The following RPTOR variants were observed in gnomAD, a reference collection of about 807,000 sequenced individuals.
RPTOR encodes regulatory associated protein of MTOR complex 1, also known as regulatory-associated protein of mTOR.
In RPTOR, 21 loss-of-function variants were observed where a neutral mutation model predicts 169.9. The ratio of observed to expected loss-of-function variants is 0.12; its 90% CI spans 0.09 to 0.18. RPTOR has a LOEUF of 0.18. Ranked by LOEUF, RPTOR falls within the 10% of genes least tolerant of loss-of-function variation. The probability of loss-of-function intolerance (pLI) is 1.00; values close to 1 mark genes in which losing one functional copy is unlikely to be tolerated. For synonymous variants in RPTOR, 732 were observed against 753.2 expected, an observed-to-expected ratio of 0.97 and a Z score of 0.46; for missense variants, 1,133 against 1,855.9, an observed-to-expected ratio of 0.61 and a Z score of 7.16.
chr17:80,592,914 G>T (rs924423397), intron 1 of RPTOR, among the ~76,000 whole-genome samples: 1 of 152,156 alleles, frequency 6.6e-6, no homozygotes, highest in Admixed American at 6.5e-5. Flanking sequence ...CAGTGCTGTC[G>T]GAGTCTTAGT....
chr17:80,831,046 G>C (rs1055316332), intron 9 of RPTOR, among the ~76,000 whole-genome samples: 2 of 152,114 alleles, frequency 1.3e-5, no homozygotes, highest in Admixed American at 1.3e-4. Flanking sequence ...GCGCCCAATA[G>C]GGAACATCAT....
intron 33 of RPTOR, among the ~76,000 whole-genome samples, chr17:80,963,460 ACCCCGTCCCCTGTGCGGCCCTCACCCCG>A: frequency 3.8e-5 from 1 of 26,158 alleles, no homozygotes; most frequent in African/African-American, 1.7e-4. Flanking sequence ...TGCGGCCCTC[ACCCCGTCCCCTGTGCGGCCCTCACCCCG>A]TCCCCTGTGC....
intron 3 of RPTOR, among the ~76,000 whole-genome samples, chr17:80,658,781 TTTAG>T (rs1336703468): frequency 6.6e-6 from 1 of 152,258 alleles, no homozygotes; most frequent in Non-Finnish European, 1.5e-5. Context: ...CAGTCTGCTG[TTTAG>T]CCAACCTACC....
intron 1 of RPTOR, among the ~76,000 whole-genome samples, chr17:80,554,960 T>C (rs764360995): frequency 6.6e-6 from 1 of 152,214 alleles, no homozygotes; most frequent in Non-Finnish European, 1.5e-5. Flanking sequence ...TTAAGTGAAT[T>C]CATAAATATA....
chr17:80,705,869 C>A (rs2066138470), intron 3 of RPTOR, among the ~76,000 whole-genome samples: 1 of 152,052 alleles, frequency 6.6e-6, no homozygotes, highest in Non-Finnish European at 1.5e-5. Flanking sequence ...GGTGTGCCCT[C>A]CTCAGGGTGT....
intron 1 of RPTOR, among the ~76,000 whole-genome samples, chr17:80,566,695 G>T (rs886808768): frequency 2.0e-5 from 3 of 151,600 alleles, no homozygotes; most frequent in Non-Finnish European, 4.4e-5. Flanking sequence ...GAGGTGGCAG[G>T]CACCTGTAGT....
Position 80,730,754 on chromosome 17 carries a change from TCCC to T in RPTOR, c.654+49_654+51del. 9.0e-5 allele frequency: 65 copies of T among 721,432 alleles called. No individual in the cohort carries two copies. Among genetic ancestry groups the T allele is most frequent in the Middle Eastern group, 1.0e-3 (2 of 1,936 alleles). The allele number at this position is 721,432 out of a possible 1,614,324, so 44.7% of individuals were successfully genotyped here. The stretch of plus-strand genomic sequence containing the variant: ...AGCGGTGCTGGGTTTGGTTTTGTTT[TCCC>T]TGGGGGTGGGGTTTGGGTGGGGAGG... On this transcript the variant is annotated intron_variant, in intron 5 of 33. Coordinates refer to ENST00000306801, the MANE Select transcript of RPTOR (RefSeq NM_020761.3). This position sits in a 1 kb window ranked among gnomAD's most constrained non-coding sequence, Gnocchi z 4.2.
chr17:80,706,028 A>G (rs1423404996), intron 3 of RPTOR, among the ~76,000 whole-genome samples: 2 of 152,184 alleles, frequency 1.3e-5, no homozygotes, highest in African/African-American at 4.8e-5. Flanking sequence ...TCTTCAAGTG[A>G]TGATCATGGC....
intron 7 of RPTOR, among the ~76,000 whole-genome samples, chr17:80,815,173 G>A (rs541242022): frequency 2.3e-4 from 35 of 152,248 alleles, no homozygotes; most frequent in Non-Finnish European, 5.1e-4. Flanking sequence ...GCAGTTAGGG[G>A]TGCACAAGGT....
intron 24 of RPTOR, among the ~76,000 whole-genome samples, chr17:80,931,522 C>A (rs925286539): frequency 2.0e-5 from 3 of 152,226 alleles, no homozygotes; most frequent in Non-Finnish European, 2.9e-5. Context: ...CGAGAAGAGC[C>A]CCTCAGAGGT....
intron 28 of RPTOR, among the ~76,000 whole-genome samples, chr17:80,953,048 A>G (rs1373372713): frequency 6.6e-6 from 1 of 151,722 alleles, no homozygotes; most frequent in Non-Finnish European, 1.5e-5. Flanking sequence ...TATTTTTAGT[A>G]GAGATGGGGT....
rs2065199037 is a variant in RPTOR at position 80,602,681 on chromosome 17, G to T, written c.163-23010G>T. 3 of 723,896 alleles carry T rather than the reference G, an allele frequency of 4.1e-6. No individual in the cohort carries two copies. In the East Asian group the frequency reaches 7.8e-5, roughly 19 times the overall value. 44.8% of individuals were successfully genotyped at this position (723,896 alleles called of 1,614,324 possible). ...TTCTGGATAACCACGCACGGATGCG[G>T]TAGGGGACATTCCTTATTCCTTTGG... On this transcript the variant is annotated intron_variant, in intron 1 of 33. Coordinates refer to ENST00000306801, the MANE Select transcript of RPTOR (RefSeq NM_020761.3).
At chr17:80,855,618 G>A (rs2067843463) in intron 12 of RPTOR, 71 bp downstream of exon 12, 2 of 1,199,478 alleles carry the variant, frequency 1.7e-6, no homozygotes, top group South Asian at 2.4e-5. Context: ...GTTTCAGTCT[G>A]TGCACGTATT....
chr17:80,694,686 G>T (rs1274954650), intron 3 of RPTOR, among the ~76,000 whole-genome samples: 1 of 152,238 alleles, frequency 6.6e-6, no homozygotes, highest in Admixed American at 6.5e-5. Flanking sequence ...GTAAGGAGGA[G>T]TGATTTTCCC....
At chr17:80,828,580 G>A (rs1416228520) in intron 9 of RPTOR, among the ~76,000 whole-genome samples, 2 of 152,196 alleles carry the variant, frequency 1.3e-5, no homozygotes, top group Non-Finnish European at 2.9e-5. Flanking sequence ...GGCCTTTACA[G>A]TGCTGGCCCC....
rs111546698 is a variant in RPTOR at position 80,600,457 on chromosome 17, C to T, written c.163-25234C>T. Among the ~76,000 whole-genome samples the T allele has an allele frequency of 2.7e-3, 413 of 152,238 alleles. 2 individuals carry two copies. The highest frequency in any genetic ancestry group is 9.4e-3 in the African/African-American group (391 of 41,524). ...GGAAAATGAAGTATATCTGAGAAGG[C>T]GGAGCTGAGATCCCAGAAAACAAGC... On this transcript the variant is annotated intron_variant, in intron 1 of 33. Coordinates refer to ENST00000306801, the MANE Select transcript of RPTOR (RefSeq NM_020761.3).
chr17:80,928,552 C>G (rs1463591408), intron 24 of RPTOR, among the ~76,000 whole-genome samples: 2 of 152,222 alleles, frequency 1.3e-5, no homozygotes, highest in Admixed American at 1.3e-4. Flanking sequence ...CATCCAAGGA[C>G]ACCGTGGTAA....
At chr17:80,819,021 C>T (rs1423044658) in intron 7 of RPTOR, among the ~76,000 whole-genome samples, 3 of 152,148 alleles carry the variant, frequency 2.0e-5, no homozygotes, top group Admixed American at 6.5e-5. Context: ...TACGTGGGCT[C>T]ACGTTAGGGA....
intron 28 of RPTOR, among the ~76,000 whole-genome samples, chr17:80,956,470 G>A (rs140687588): frequency 7.2e-5 from 11 of 152,374 alleles, no homozygotes; most frequent in Admixed American, 6.5e-4. Flanking sequence ...GCCAGCCGTC[G>A]GGAGTCAGCC....
Sources: allele counts gnomAD v4.1 joint callset (sites outside exome capture counted in the v4.1 genomes callset), GRCh38; gene constraint gnomAD v4.1.1; non-coding constraint Gnocchi (gnomAD v3.1); transcripts MANE v1.5; gene names NCBI Gene and HGNC (gene_info 2026-07-23, HGNC 2026-07-21).